Variants in PCDH10 observed in about 807,000 individuals in gnomAD.
PCDH10 encodes protocadherin 10.
A neutral mutation model predicts 74.4 loss-of-function variants in PCDH10; 15 were observed. The observed-to-expected ratio is 0.20, with a 90% confidence interval of 0.13 to 0.31. The LOEUF (loss-of-function observed/expected upper bound fraction) is 0.31. PCDH10 is among the 10% of genes least tolerant of loss of function. The pLI is 1.00. For synonymous variants in PCDH10, 619 were observed against 589.8 expected, an observed-to-expected ratio of 1.05 and a Z score of -0.72; for missense variants, 1,260 against 1,390.2, an observed-to-expected ratio of 0.91 and a Z score of 1.49.
At chr4:133,172,518 T>G (rs1208554143) in intron 4 of PCDH10, among the ~76,000 whole-genome samples, 1 of 151,966 alleles carries the variant, frequency 6.6e-6, no homozygotes, top group Non-Finnish European at 1.5e-5. Flanking sequence ...TACACCTGTA[T>G]AGTTACAAAA....
chr4:133,195,432 T>A (rs1727776067), downstream of PCDH10, among the ~76,000 whole-genome samples: 2 of 151,092 alleles, frequency 1.3e-5, no homozygotes, highest in African/African-American at 4.9e-5. Flanking sequence ...GGTTAACAGC[T>A]ATGATTACAA....
At chr4:133,171,348 A>G (rs1197217416) in intron 4 of PCDH10, among the ~76,000 whole-genome samples, 1 of 152,194 alleles carries the variant, frequency 6.6e-6, no homozygotes, top group Non-Finnish European at 1.5e-5. Context: ...AAATGTTTTC[A>G]TCATATTTTT....
At chr4:133,197,429 T>A (rs972925880), downstream of PCDH10, among the ~76,000 whole-genome samples, 2 of 152,190 alleles carry the variant, frequency 1.3e-5, no homozygotes, top group Non-Finnish European at 2.9e-5. Context: ...CTCTGTTCCC[T>A]AGAGGTGTCC....
chr4:133,183,551 G>A (rs1036691656), intron 4 of PCDH10, among the ~76,000 whole-genome samples: 20 of 152,076 alleles, frequency 1.3e-4, no homozygotes, highest in Admixed American at 2.6e-4. Flanking sequence ...CTTTTGCATA[G>A]CAATGAAATT....
chr4:133,186,479 A>T (rs1727543640), intron 4 of PCDH10, among the ~76,000 whole-genome samples: 1 of 152,186 alleles, frequency 6.6e-6, no homozygotes, highest in Non-Finnish European at 1.5e-5. Context: ...GCATGCTTTG[A>T]TAATTCCAAA....
intron 3 of PCDH10, among the ~76,000 whole-genome samples, chr4:133,158,857 G>A (rs1560706594): frequency 1.3e-5 from 2 of 151,988 alleles, no homozygotes; most frequent in Non-Finnish European, 2.9e-5. Flanking sequence ...ATTTATAACT[G>A]GAGGCAATAT....
At chr4:133,163,949 A>G in intron 4 of PCDH10, 1 of 448,454 alleles carries the variant, frequency 2.2e-6, no homozygotes, top group South Asian at 1.6e-5. Flanking sequence ...CAAAGATTGA[A>G]TGCATTGAGG....
chr4:133,204,866 C>G (rs1727970835), intron 2 of PCDH10, among the ~76,000 whole-genome samples: 1 of 152,168 alleles, frequency 6.6e-6, no homozygotes, highest in Non-Finnish European at 1.5e-5. Flanking sequence ...CTTCTCACAG[C>G]CTGGGAGAGG....
intron 4 of PCDH10, among the ~76,000 whole-genome samples, chr4:133,165,646 G>T (rs1727064251): frequency 6.6e-6 from 1 of 151,634 alleles, no homozygotes; most frequent in Admixed American, 6.6e-5. Flanking sequence ...TGCTAAATAT[G>T]CAGTTTCATA....
At chr4:133,164,876 G>A (rs1727045200) in intron 4 of PCDH10, among the ~76,000 whole-genome samples, 1 of 149,986 alleles carries the variant, frequency 6.7e-6, no homozygotes, top group Admixed American at 6.7e-5. Context: ...TATGTGTGTT[G>A]CTAAAAATCA....
rs1292941269 is a variant in PCDH10, at chr4:133,194,384, A to G, written c.*4224A>G. On this transcript the variant is annotated 3_prime_UTR_variant, in exon 5 of 5. Transcript: ENST00000264360. ...ACTCAGACTTCCAATACATTCATAC[A>G]TGCTAGAGCTGAAAGTAAGCAGGGA... The G allele has an allele frequency of 3.3e-5, 5 of 151,864 alleles. No homozygotes were observed. Among genetic ancestry groups the G allele is most frequent in the African/African-American group, 4.8e-5 (2 of 41,412 alleles). 9.4% of individuals were successfully genotyped at this position (151,864 alleles called of 1,614,324 possible).
intron 3 of PCDH10, among the ~76,000 whole-genome samples, chr4:133,157,178 A>T (rs1726884684): frequency 6.6e-6 from 1 of 152,238 alleles, no homozygotes; most frequent in Non-Finnish European, 1.5e-5. Context: ...TTAGGATTGT[A>T]ATAAAGCACT....
At chr4:133,154,721 A>G (rs1441763403) in intron 2 of PCDH10, among the ~76,000 whole-genome samples, 196 bp from the exon 3 acceptor site, 1 of 152,188 alleles carries the variant, frequency 6.6e-6, no homozygotes, top group Non-Finnish European at 1.5e-5. Flanking sequence ...ACATGACTTA[A>G]GTGCTCAAAA....
chr4:133,160,406 CT>C (rs5862060), intron 3 of PCDH10, among the ~76,000 whole-genome samples: 21,499 of 144,112 alleles, frequency 0.15, 1,781 homozygotes, highest in Middle Eastern at 0.24. Context: ...TATATCCTCA[CT>C]TTTTTTTTTT....
At chr4:133,156,392 G>A (rs1344853038) in intron 3 of PCDH10, among the ~76,000 whole-genome samples, 4 of 152,212 alleles carry the variant, frequency 2.6e-5, no homozygotes, top group South Asian at 2.1e-4. Flanking sequence ...AAGAATCCCC[G>A]GAGGTCTCTG....
At chr4:133,168,363 C>T (rs2125865466) in intron 4 of PCDH10, among the ~76,000 whole-genome samples, 1 of 151,300 alleles carries the variant, frequency 6.6e-6, no homozygotes, top group Admixed American at 6.6e-5. Flanking sequence ...AAAATTTGTG[C>T]CTGTGGGTAA....
At chr4:133,204,332 A>C (rs1222791872) in intron 2 of PCDH10, among the ~76,000 whole-genome samples, 1 of 152,124 alleles carries the variant, frequency 6.6e-6, no homozygotes, top group South Asian at 2.1e-4. Context: ...TAACATCCAC[A>C]TGGCTGTCCC....
chr4:133,174,513 A>G (rs979556042), intron 4 of PCDH10, among the ~76,000 whole-genome samples: 4 of 151,882 alleles, frequency 2.6e-5, no homozygotes, highest in Admixed American at 2.0e-4. Flanking sequence ...ATAAGACAAA[A>G]TAAAGACATC....
At position 133,190,154 on chromosome 4, in the gene PCDH10, A is replaced by G. The variant is rs1428852614; in HGVS notation, c.3117A>G (p.Ile1039Met). ...YKPPYLTRKR[I>M]C The stretch of plus-strand genomic sequence containing the variant: ...TCTTTTTCACAGCACGGAAAAGGAT[A>G]TGCTAGTCAATTCTACAGGACTTAC... Residue 1039 changes from isoleucine to methionine, a missense_variant, in exon 5 of 5, where the codon ATA (isoleucine) becomes ATG (methionine). Ile to Met is a conservative substitution (Grantham distance 10). Transcript: ENST00000264360. 2 of 1,612,000 alleles carry G rather than the reference A, an allele frequency of 1.2e-6. No individual in the cohort carries two copies. Among genetic ancestry groups the G allele is most frequent in the Admixed American group, 1.7e-5 (1 of 59,918 alleles).
Sources: gnomAD v4.1 joint callset for allele counts (sites outside exome capture counted in the v4.1 genomes callset) on GRCh38, gnomAD v4.1.1 for gene constraint, MANE v1.5 for transcripts, NCBI Gene and HGNC (gene_info 2026-07-23, HGNC 2026-07-21) for gene names.